Variants in OPCML observed in about 807,000 individuals in gnomAD.
The protein encoded by OPCML is opioid-binding protein/cell adhesion molecule.
OPCML carries 13 observed loss-of-function variants against 37.8 expected under a neutral mutation model. The observed-to-expected ratio is 0.34, with a 90% CI of 0.22 to 0.55. The LOEUF is 0.55. Ranked by LOEUF, OPCML falls within the 20% of genes least tolerant of loss-of-function variation. The probability of loss-of-function intolerance (pLI) is 0.91; values close to 1 mark genes in which losing one functional copy is unlikely to be tolerated. For missense variants in OPCML, 341 were observed against 435.6 expected, an observed-to-expected ratio of 0.78 and a Z score of 1.93; for synonymous variants, 176 against 168.8, an observed-to-expected ratio of 1.04 and a Z score of -0.33.
intron 4 of OPCML, among the ~76,000 whole-genome samples, chr11:132,466,106 AG>A (rs2096118644): frequency 6.6e-6 from 1 of 152,184 alleles, no homozygotes; most frequent in African/African-American, 2.4e-5. Flanking sequence ...CCTCCCTTTC[AG>A]ACTCATGTGG....
At chr11:133,209,752 A>AGTTTATT (rs1465208642) in intron 1 of OPCML, among the ~76,000 whole-genome samples, 1 of 152,224 alleles carries the variant, frequency 6.6e-6, no homozygotes, top group East Asian at 1.9e-4. Context: ...AGAGATATCT[A>AGTTTATT]AAAAGGCAAC....
chr11:133,292,117 T>C (rs932091426), intron 1 of OPCML, among the ~76,000 whole-genome samples: 2 of 152,246 alleles, frequency 1.3e-5, no homozygotes, highest in Non-Finnish European at 2.9e-5. Context: ...CCGTGCTGGC[T>C]GGGACAGGCT....
At chr11:132,459,668 G>T (rs888150083) in intron 4 of OPCML, among the ~76,000 whole-genome samples, 19 of 151,156 alleles carry the variant, frequency 1.3e-4, no homozygotes, top group African/African-American at 4.6e-4. Flanking sequence ...TTACATATTG[G>T]TTATGTAGAG....
At chr11:132,663,494 A>G (rs1366480559) in intron 2 of OPCML, among the ~76,000 whole-genome samples, 1 of 152,220 alleles carries the variant, frequency 6.6e-6, no homozygotes, top group Non-Finnish European at 1.5e-5. Flanking sequence ...ATATAAACCT[A>G]TGCTAGATGT....
chr11:133,328,706 A>G (rs773159619), intron 1 of OPCML, among the ~76,000 whole-genome samples: 5 of 152,204 alleles, frequency 3.3e-5, no homozygotes, highest in Non-Finnish European at 7.3e-5. Flanking sequence ...GCTATCTATG[A>G]CAAACCCACA....
intron 2 of OPCML, among the ~76,000 whole-genome samples, chr11:132,796,195 T>C (rs910558900): frequency 6.6e-5 from 10 of 152,216 alleles, no homozygotes; most frequent in Non-Finnish European, 1.3e-4. Context: ...GAATCAATTC[T>C]CCATGGATAC....
At chr11:132,805,248 G>T (rs1938931773) in intron 2 of OPCML, among the ~76,000 whole-genome samples, 1 of 152,060 alleles carries the variant, frequency 6.6e-6, no homozygotes, top group African/African-American at 2.4e-5. Context: ...GAAGAAAAAA[G>T]GATTTTATGC....
Position 133,170,242 on chromosome 11 carries a change from C to T in OPCML, c.62-227232G>A, listed in dbSNP as rs554710772. Among the ~76,000 whole-genome samples, 25 of 152,280 alleles carry T rather than the reference C, an allele frequency of 1.6e-4. No homozygotes were observed. In the East Asian group the frequency reaches 2.5e-3, roughly 15 times the overall value. On this transcript the variant is annotated intron_variant, in intron 1 of 7. Transcript: ENST00000524381. ...CTGTAATCCCAGCACTTTGTGAGGC[C>T]GAGGCGGGCAGATCACGAGGTCAGG...
At chr11:132,475,732 T>C (rs2096153036) in intron 4 of OPCML, among the ~76,000 whole-genome samples, 1 of 152,182 alleles carries the variant, frequency 6.6e-6, no homozygotes, top group African/African-American at 2.4e-5. Flanking sequence ...ACCCATTATG[T>C]AATATTTTCT....
intron 2 of OPCML, among the ~76,000 whole-genome samples, chr11:132,868,695 C>T (rs572795026): frequency 5.0e-4 from 76 of 152,190 alleles, no homozygotes; most frequent in African/African-American, 1.8e-3. Flanking sequence ...GGCTTAAAAA[C>T]CCAGAAATGA....
At position 133,141,033 on chromosome 11, in the gene OPCML, C is replaced by CGAAGACGAAGAAGACGACGAAGACGAA. The variant is rs1399038604; in HGVS notation, c.62-198024_62-198023insTTCGTCTTCGTCGTCTTCTTCGTCTTC. On this transcript the variant is annotated intron_variant, in intron 1 of 7. Coordinates refer to ENST00000524381, the MANE Select transcript of OPCML (RefSeq NM_001012393.5). ...ACGACGACGACGACGACGACGACGA[C>CGAAGACGAAGAAGACGACGAAGACGAA]GACGACGACGACGACGAAGAAGAAG... Among the ~76,000 whole-genome samples the CGAAGACGAAGAAGACGACGAAGACGAA allele has an allele frequency of 3.9e-3, 21 of 5,376 alleles. 2 individuals carry two copies. The highest frequency in any genetic ancestry group is 5.5e-3 in the African/African-American group (17 of 3,098). 3.5% of individuals were successfully genotyped at this position (5,376 alleles called of 152,430 possible).
At chr11:132,512,623 T>G (rs2096271281) in intron 4 of OPCML, among the ~76,000 whole-genome samples, 1 of 151,994 alleles carries the variant, frequency 6.6e-6, no homozygotes, top group African/African-American at 2.4e-5. Context: ...TTTACATTTT[T>G]TTCAGAGTGT....
intron 2 of OPCML, among the ~76,000 whole-genome samples, chr11:132,721,730 G>A (rs1944675766): frequency 6.6e-6 from 1 of 152,086 alleles, no homozygotes; most frequent in Admixed American, 6.5e-5. Context: ...GCAGTGGTGG[G>A]GTAGAAACCG....
intron 1 of OPCML, chr11:133,065,762 A>G (rs1948431930): frequency 6.6e-6 from 1 of 152,232 alleles, no homozygotes; most frequent in Admixed American, 6.5e-5. Context: ...AAGCTGAAAC[A>G]CTACCTGGGT....
At chr11:132,704,145 G>A (rs1591488687) in intron 2 of OPCML, among the ~76,000 whole-genome samples, 2 of 152,122 alleles carry the variant, frequency 1.3e-5, no homozygotes, top group South Asian at 4.1e-4. Context: ...GAGTCCACAG[G>A]AGCCAGTTTA....
intron 1 of OPCML, chr11:133,439,506 C>G (rs1391050763): frequency 6.5e-6 from 6 of 926,542 alleles, no homozygotes; most frequent in Non-Finnish European, 7.7e-6. Context: ...CTCACTCTGT[C>G]GCCCAGGCTG....
intron 2 of OPCML, among the ~76,000 whole-genome samples, chr11:132,804,099 G>A (rs1048211132): frequency 7.2e-5 from 11 of 152,176 alleles, no homozygotes; most frequent in Non-Finnish European, 1.3e-4. Context: ...GTAAAGAGCA[G>A]GCAACACAAG....
chr11:132,879,651 T>C (rs917227577), intron 2 of OPCML, among the ~76,000 whole-genome samples: 1 of 152,230 alleles, frequency 6.6e-6, no homozygotes, highest in African/African-American at 2.4e-5. Flanking sequence ...GCTGCACAGC[T>C]ATTAAAACTC....
chr11:132,939,229 A>G (rs1945492813), intron 2 of OPCML, among the ~76,000 whole-genome samples: 1 of 152,246 alleles, frequency 6.6e-6, no homozygotes, highest in South Asian at 2.1e-4. Context: ...AAGTACAGAA[A>G]CACACCCAGG....
Sources: allele counts gnomAD v4.1 joint callset (sites outside exome capture counted in the v4.1 genomes callset), GRCh38; gene constraint gnomAD v4.1.1; transcripts MANE v1.5; gene names NCBI Gene and HGNC (gene_info 2026-07-23, HGNC 2026-07-21).